ADGRV1: variants seen among roughly 807,000 people sequenced by gnomAD.
The protein encoded by ADGRV1 is adhesion G protein-coupled receptor V1.
A neutral mutation model predicts 596.2 loss-of-function variants in ADGRV1; 359 were observed. The ratio of observed to expected loss-of-function variants is 0.60; its 90% CI spans 0.55 to 0.66. The LOEUF is 0.66. ADGRV1 is among the 30% of genes least tolerant of loss of function. The probability of loss-of-function intolerance (pLI) is 0.00; values close to 1 mark genes in which losing one functional copy is unlikely to be tolerated. For synonymous variants in ADGRV1, 2,681 were observed against 2,679.2 expected, an observed-to-expected ratio of 1.00 and a Z score of -0.02; for missense variants, 7,274 against 7,575.6, an observed-to-expected ratio of 0.96 and a Z score of 1.48.
At chr5:90,598,266 T>C (rs1259228548) in intron 1 of ADGRV1, among the ~76,000 whole-genome samples, 1 of 152,202 alleles carries the variant, frequency 6.6e-6, no homozygotes, top group Non-Finnish European at 1.5e-5. Context: ...CATTGAATGA[T>C]GAATGAATGT....
At position 90,679,530 on chromosome 5, in the gene ADGRV1, T is replaced by C; in HGVS notation, c.5444-19T>C. 6.3e-7 allele frequency: 1 copy of C among 1,594,486 alleles called. No individual in the cohort carries two copies. Among genetic ancestry groups the C allele is most frequent in the South Asian group, 1.1e-5 (1 of 90,382 alleles). ...CAATGTGTGTTGTGTGGGTTGTGTC[T>C]CTGTGTCTCCTTGTGAAGTAGCTGA... On this transcript the variant is annotated intron_variant, in intron 25 of 89. Transcript: ENST00000405460.
chr5:91,048,557 TGTAG>T (rs1786036006), intron 85 of ADGRV1, among the ~76,000 whole-genome samples: 1 of 152,152 alleles, frequency 6.6e-6, no homozygotes, highest in Admixed American at 6.5e-5. Flanking sequence ...ATAGCACAAT[TGTAG>T]GTATCTTGTT....
At chr5:90,851,134 T>TGTGTGTGTGTGTGTGTGA (rs757909771) in intron 79 of ADGRV1, among the ~76,000 whole-genome samples, 1 of 81,446 alleles carries the variant, frequency 1.2e-5, no homozygotes, top group Non-Finnish European at 2.6e-5. Context: ...TGTGTGTGTG[T>TGTGTGTGTGTGTGTGTGA]GAGAGAGAGA....
At chr5:91,051,537 ATTTTTTTT>A (rs1192844206) in intron 85 of ADGRV1, among the ~76,000 whole-genome samples, 27,129 of 102,366 alleles carry the variant, frequency 0.27, 3,012 homozygotes, top group Non-Finnish European at 0.3. Flanking sequence ...TTGACTTAGG[ATTTTTTTT>A]TTTTTTTTTT....
chr5:90,737,252 C>G (rs1753360858), intron 50 of ADGRV1, among the ~76,000 whole-genome samples: 1 of 151,828 alleles, frequency 6.6e-6, no homozygotes, highest in Admixed American at 6.6e-5. Context: ...AAGATTTCTT[C>G]TGTTATTGAT....
intron 1 of ADGRV1, among the ~76,000 whole-genome samples, chr5:90,580,175 GC>G (rs1179292286): frequency 2.6e-5 from 4 of 152,080 alleles, no homozygotes; most frequent in African/African-American, 9.7e-5. Flanking sequence ...TAGTTATTTT[GC>G]CCATTAATTG....
intron 1 of ADGRV1, among the ~76,000 whole-genome samples, chr5:90,595,691 G>A (rs1760353985): frequency 7.3e-6 from 1 of 137,184 alleles, no homozygotes; most frequent in South Asian, 2.3e-4. Context: ...CCCGGACGGG[G>A]CGGCTGGCCA....
intron 25 of ADGRV1, among the ~76,000 whole-genome samples, chr5:90,677,073 T>G (rs770882365): frequency 6.6e-6 from 1 of 152,156 alleles, no homozygotes; most frequent in Non-Finnish European, 1.5e-5. Context: ...TTTATAAGTT[T>G]GAGAAATTGA....
In ADGRV1 at chr5:90,992,025, G is replaced by A. The variant is rs78294467; in HGVS notation, c.18152+6503G>A. Among the ~76,000 whole-genome samples, 685 of 152,340 alleles carry A rather than the reference G, an allele frequency of 4.5e-3. 4 individuals carry two copies. Among genetic ancestry groups the A allele is most frequent in the African/African-American group, 0.016 (657 of 41,590 alleles). ...ACTGCCTGTGGGTGCACATGCACAC[G>A]CATACAGAAACACAAGTACATCCAC... On this transcript the variant is annotated intron_variant, in intron 85 of 89. Transcript: ENST00000405460.
At chr5:90,956,676 T>C (rs1217098886) in intron 83 of ADGRV1, among the ~76,000 whole-genome samples, 1 of 152,184 alleles carries the variant, frequency 6.6e-6, no homozygotes, top group Non-Finnish European at 1.5e-5. Flanking sequence ...TGAAGGTACT[T>C]TATGTACTTC....
At chr5:90,706,457 CTTTAAG>C (rs909325715) in intron 38 of ADGRV1, 63 bp downstream of exon 38, 435 of 1,381,436 alleles carry the variant, frequency 3.1e-4, no homozygotes, top group Middle Eastern at 2.6e-3. Context: ...TTTTATTATA[CTTTAAG>C]TTTTAGTGTA....
chr5:90,764,569 C>G (rs1394885920), intron 59 of ADGRV1, among the ~76,000 whole-genome samples: 1 of 152,210 alleles, frequency 6.6e-6, no homozygotes, highest in Non-Finnish European at 1.5e-5. Context: ...CCTTCAGTGA[C>G]TGGCCCCATG....
chr5:90,643,749 T>A, intron 13 of ADGRV1, 54 bp from the exon 14 acceptor site: 2 of 1,326,274 alleles, frequency 1.5e-6, no homozygotes, highest in South Asian at 2.9e-5. Flanking sequence ...TGTTTTTAAA[T>A]TTGTTGTGAA....
Position 91,035,861 on chromosome 5 carries a change from T to TTA in ADGRV1, c.18153-36566_18153-36565dup, listed in dbSNP as rs1554202360. 1.5e-3 allele frequency among the ~76,000 whole-genome samples: 148 copies of TTA among 96,404 alleles called. 2 individuals are homozygous for TTA. Among genetic ancestry groups the TTA allele is most frequent in the East Asian group, 6.6e-3 (26 of 3,962 alleles). The allele number at this position is 96,404 out of a possible 152,430, so 63.2% of individuals were successfully genotyped here. On this transcript the variant is annotated intron_variant, in intron 85 of 89. Transcript: ENST00000405460. Reference sequence around the variant, plus strand: ...ATGAGTGTGTATATATATATATATATTATATATATATATATATATATCTTA... The same window carrying TTA: ...ATGAGTGTGTATATATATATATATATTATATATATATATATATATATATCTTA...
intron 84 of ADGRV1, among the ~76,000 whole-genome samples, chr5:90,972,684 C>T (rs962438340): frequency 6.6e-6 from 1 of 152,120 alleles, no homozygotes; most frequent in African/African-American, 2.4e-5. Context: ...ACCAGAATCT[C>T]TGGGACACAT....
chr5:90,633,615 A>T (rs1216857039), intron 9 of ADGRV1, among the ~76,000 whole-genome samples: 1 of 151,884 alleles, frequency 6.6e-6, no homozygotes, highest in Admixed American at 6.6e-5. Context: ...AAGATAAATA[A>T]ATATATATGT....
chr5:90,611,436 T>C (rs916025482), intron 1 of ADGRV1, among the ~76,000 whole-genome samples: 7 of 151,944 alleles, frequency 4.6e-5, no homozygotes, highest in Admixed American at 2.6e-4. Flanking sequence ...ATAAGGGATA[T>C]AGTGGAAGAA....
At chr5:90,594,342 C>T (rs1759942206) in intron 1 of ADGRV1, among the ~76,000 whole-genome samples, 1 of 152,132 alleles carries the variant, frequency 6.6e-6, no homozygotes, top group African/African-American at 2.4e-5. Context: ...GTTCTTCCCC[C>T]TTCGCTCAGC....
At chr5:90,563,277 C>T (rs145646313) in intron 1 of ADGRV1, among the ~76,000 whole-genome samples, 3 of 152,310 alleles carry the variant, frequency 2.0e-5, no homozygotes, top group East Asian at 1.9e-4. Context: ...TTACATGCAA[C>T]GAAGTACTTG....
Sources: gnomAD v4.1 joint callset for allele counts (sites outside exome capture counted in the v4.1 genomes callset) on GRCh38, gnomAD v4.1.1 for gene constraint, MANE v1.5 for transcripts, NCBI Gene and HGNC (gene_info 2026-07-23, HGNC 2026-07-21) for gene names.